The following LHPP variants were observed in gnomAD, a reference collection of about 807,000 sequenced individuals.
LHPP encodes the protein hLHPP.
A neutral mutation model predicts 30.3 loss-of-function variants in LHPP; 24 were observed. That is an observed-to-expected ratio of 0.79 (90% CI 0.57 to 1.11). LHPP has a LOEUF of 1.11. Ranked by LOEUF, LHPP falls within the 50% of genes most tolerant of loss-of-function variation. LHPP has a pLI of 0.00. For synonymous variants in LHPP, 150 were observed against 157.1 expected (o/e 0.95, Z 0.34); for missense variants, 356 against 367.2 (o/e 0.97, Z 0.25).
intron 5 of LHPP, among the ~76,000 whole-genome samples, chr10:124,501,827 C>T (rs888567706): frequency 6.6e-6 from 1 of 151,816 alleles, no homozygotes; most frequent in Non-Finnish European, 1.5e-5. Flanking sequence ...ATTTCCTTGA[C>T]TGTCTCAGAA....
intron 1 of LHPP, 71 bp downstream of exon 1, chr10:124,462,058 G>A: frequency 8.6e-7 from 1 of 1,169,142 alleles, no homozygotes; most frequent in African/African-American, 1.6e-5. Context: ...CTGCCGGCAG[G>A]GGGCGGGGCG....
chr10:124,507,254 TCG>T (rs113694555), intron 5 of LHPP, among the ~76,000 whole-genome samples: 12 of 11,420 alleles, frequency 1.1e-3, no homozygotes, highest in Non-Finnish European at 1.2e-3. Context: ...GGATTTCAGG[TCG>T]GGGGGGTAGA....
In LHPP at chr10:124,588,295, C is replaced by CT. The variant is rs1200693184; in HGVS notation, c.717-24967dup. Among the ~76,000 whole-genome samples, 12 of 129,190 alleles carry CT rather than the reference C, an allele frequency of 9.3e-5. No individual in the cohort carries two copies. The East Asian group carries it at 2.5e-3, about 27-fold the overall frequency. 84.8% of individuals were successfully genotyped at this position (129,190 alleles called of 152,430 possible). A position where few individuals can be genotyped will look rare whatever the true frequency, so the allele number is the denominator to read the frequency against. ...GCCACTTATGCTTTTACTTTTTTCT[C>CT]TTCTTTTTTTTTTTAAGACTGAGTC... On this transcript the variant is annotated intron_variant, in intron 6 of 6. Transcript: ENST00000368842.
At chr10:124,538,787 C>T (rs2133941620) in intron 6 of LHPP, among the ~76,000 whole-genome samples, 1 of 152,328 alleles carries the variant, frequency 6.6e-6, no homozygotes, top group East Asian at 1.9e-4. Context: ...TTCTGACTTG[C>T]CCAGAGGTCA....
At chr10:124,562,983 T>C (rs1369470246) in intron 6 of LHPP, among the ~76,000 whole-genome samples, 2 of 148,598 alleles carry the variant, frequency 1.3e-5, no homozygotes, top group East Asian at 2.0e-4. Flanking sequence ...AAAATGCCGA[T>C]GAGAACAGTG....
intron 6 of LHPP, among the ~76,000 whole-genome samples, chr10:124,600,908 G>A (rs1459394413): frequency 1.3e-5 from 2 of 152,248 alleles, no homozygotes; most frequent in African/African-American, 4.8e-5. Context: ...TGATCTCAGG[G>A]ATCTCAGTGT....
rs57739169 is a variant in LHPP, at chr10:124,475,030, C to CTTTTTTTTTT, written c.126-9108_126-9099dup. Among the ~76,000 whole-genome samples the CTTTTTTTTTT allele has an allele frequency of 7.1e-5, 7 of 98,660 alleles. 1 individual carries two copies. The highest frequency in any genetic ancestry group is 2.0e-4 in the African/African-American group (5 of 25,406). The allele number at this position is 98,660 out of a possible 152,430, so 64.7% of individuals were successfully genotyped here. ...GAAATGTGCCAGGTGCTTCTCATGT[C>CTTTTTTTTTT]TTTTTTTTTTGAAATGGAGTCTCGC... On this transcript the variant is annotated intron_variant, in intron 1 of 6. Coordinates refer to ENST00000368842, the MANE Select transcript of LHPP (RefSeq NM_022126.4).
intron 6 of LHPP, among the ~76,000 whole-genome samples, chr10:124,540,634 C>A (rs899362048): frequency 6.6e-6 from 1 of 152,230 alleles, no homozygotes; most frequent in Admixed American, 6.5e-5. Flanking sequence ...CACCCCTGCA[C>A]TTTGGCTGCC....
chr10:124,490,515 C>T (rs1482419006), intron 3 of LHPP: 2 of 360,942 alleles, frequency 5.5e-6, no homozygotes, highest in Non-Finnish European at 1.1e-5. Context: ...TTCTTGGCTA[C>T]CGTGACTCCC....
chr10:124,506,640 G>A (rs1239886422), intron 5 of LHPP, among the ~76,000 whole-genome samples: 1 of 145,178 alleles, frequency 6.9e-6, no homozygotes, highest in Non-Finnish European at 1.5e-5. Flanking sequence ...AATTTCTTAG[G>A]GAGGTGGGGA....
rs764431475 is a variant in LHPP at position 124,496,939 on chromosome 10, G to C, written c.468-22G>C. ...CAGCTCCCCGTGCTCAGCATCCCGT[G>C]CTCCGTTCTGCTCTCTCCTAGGCGT... On this transcript the variant is annotated intron_variant, in intron 3 of 6. Coordinates refer to ENST00000368842, the MANE Select transcript of LHPP (RefSeq NM_022126.4). This position sits in a 1 kb window ranked among gnomAD's most constrained non-coding sequence, Gnocchi z 4.3. The C allele has an allele frequency of 2.9e-5, 47 of 1,608,700 alleles. No homozygotes were observed. Among genetic ancestry groups the C allele is most frequent in the Middle Eastern group, 1.7e-4 (1 of 6,058 alleles).
chr10:124,610,553 G>GAGGGTGTTGA, intron 6 of LHPP, among the ~76,000 whole-genome samples: 1 of 74,676 alleles, frequency 1.3e-5, no homozygotes, highest in Non-Finnish European at 2.6e-5. Context: ...GGGTGAGGGT[G>GAGGGTGTTGA]CGGGTGAGGG....
intron 6 of LHPP, among the ~76,000 whole-genome samples, chr10:124,595,510 G>C (rs1236045923): frequency 6.6e-6 from 1 of 152,254 alleles, no homozygotes; most frequent in Non-Finnish European, 1.5e-5. Flanking sequence ...CTGCTGGGAA[G>C]GCTGTCACTC....
At chr10:124,472,554 AACTT>A (rs1319211421) in intron 1 of LHPP, among the ~76,000 whole-genome samples, 8 of 151,124 alleles carry the variant, frequency 5.3e-5, no homozygotes, top group Non-Finnish European at 1.2e-4. Flanking sequence ...AATGTGTATA[AACTT>A]ACTTTTTTTT....
At chr10:124,548,789 T>G (rs531223834) in intron 6 of LHPP, among the ~76,000 whole-genome samples, 3 of 152,164 alleles carry the variant, frequency 2.0e-5, no homozygotes, top group Admixed American at 6.5e-5. Context: ...CCCTGAGGCT[T>G]CCCCAAGGCC....
At chr10:124,530,651 G>A (rs1954876549) in intron 6 of LHPP, among the ~76,000 whole-genome samples, 1 of 152,112 alleles carries the variant, frequency 6.6e-6, no homozygotes, top group South Asian at 2.1e-4. Context: ...CCACCCCCAT[G>A]CCCTGTGTGC....
intron 6 of LHPP, among the ~76,000 whole-genome samples, chr10:124,573,050 A>G (rs936659500): frequency 2.4e-4 from 37 of 152,272 alleles, no homozygotes; most frequent in Non-Finnish European, 4.8e-4. Flanking sequence ...TGTGTCTCAC[A>G]ATTCCCAGAC....
intron 5 of LHPP, among the ~76,000 whole-genome samples, chr10:124,503,340 AC>A (rs1391629409): frequency 1.3e-5 from 2 of 152,050 alleles, no homozygotes; most frequent in Non-Finnish European, 2.9e-5. Flanking sequence ...TGCTGGGATT[AC>A]AGGCATGAGC....
chr10:124,484,750 A>G (rs1953267738), intron 2 of LHPP, among the ~76,000 whole-genome samples: 3 of 152,116 alleles, frequency 2.0e-5, no homozygotes, highest in East Asian at 1.9e-4. Context: ...TGAGGTCCAT[A>G]GCTTCTAACG....
Sources: allele counts gnomAD v4.1 joint callset (sites outside exome capture counted in the v4.1 genomes callset), GRCh38; gene constraint gnomAD v4.1.1; non-coding constraint Gnocchi (gnomAD v3.1); transcripts MANE v1.5; gene names NCBI Gene and HGNC (gene_info 2026-07-23, HGNC 2026-07-21).